Variants in HS6ST3 observed in about 807,000 individuals in gnomAD.
HS6ST3 encodes the protein heparan-sulfate 6-O-sulfotransferase 3.
Under a neutral mutation model 36.7 loss-of-function variants are expected in HS6ST3, and 12 were observed. The ratio of observed to expected loss-of-function variants is 0.33; its 90% CI spans 0.21 to 0.53. The LOEUF is 0.53. HS6ST3 is among the 20% of genes least tolerant of loss of function. HS6ST3 has a pLI of 0.95. For synonymous variants in HS6ST3, 240 were observed against 257.5 expected (o/e 0.93, Z 0.65); for missense variants, 584 against 640.9 (o/e 0.91, Z 0.96).
rs539554236 is a variant in HS6ST3 at position 96,768,331 on chromosome 13, C to T, written c.708-64159C>T. On this transcript the variant is annotated intron_variant, in intron 1 of 1. Coordinates refer to ENST00000376705, the MANE Select transcript of HS6ST3 (RefSeq NM_153456.4). ...GGGAGAATGCTTAGCGTCATTCCCT[C>T]AGCTAGTTGACCGTGCAGAAAAGTA... Among the ~76,000 whole-genome samples the T allele has an allele frequency of 2.0e-5, 3 of 152,292 alleles. No individual in the cohort carries two copies. The South Asian group carries it at 6.2e-4, about 32-fold the overall frequency.
At chr13:96,681,349 C>T (rs1382589310) in intron 1 of HS6ST3, among the ~76,000 whole-genome samples, 1 of 151,936 alleles carries the variant, frequency 6.6e-6, no homozygotes, top group Non-Finnish European at 1.5e-5. Context: ...TTGTCAATAC[C>T]TTCTCTCCAT....
intron 1 of HS6ST3, among the ~76,000 whole-genome samples, chr13:96,627,185 G>A (rs1248087267): frequency 6.6e-6 from 1 of 152,104 alleles, no homozygotes; most frequent in African/African-American, 2.4e-5. Flanking sequence ...AAAAGTAAAG[G>A]TGTTTCTTGC....
intron 1 of HS6ST3, among the ~76,000 whole-genome samples, chr13:96,780,897 A>ACAG (rs983351700): frequency 5.3e-5 from 8 of 151,806 alleles, no homozygotes; most frequent in African/African-American, 1.5e-4. Flanking sequence ...GCCCAATCAA[A>ACAG]CAGCAGCAGC....
At chr13:96,134,539 CTTTACT>C (rs2053991902) in intron 1 of HS6ST3, among the ~76,000 whole-genome samples, 1 of 151,908 alleles carries the variant, frequency 6.6e-6, no homozygotes, top group Admixed American at 6.6e-5. Context: ...ATTGTATAGA[CTTTACT>C]TTTACTAGCT....
At chr13:96,600,756 T>A (rs2056418462) in intron 1 of HS6ST3, among the ~76,000 whole-genome samples, 1 of 152,150 alleles carries the variant, frequency 6.6e-6, no homozygotes, top group Non-Finnish European at 1.5e-5. Flanking sequence ...TACTGTTTTA[T>A]AAGCCCTGTG....
intron 1 of HS6ST3, among the ~76,000 whole-genome samples, chr13:96,546,229 T>C (rs965775364): frequency 6.6e-6 from 1 of 152,076 alleles, no homozygotes; most frequent in Admixed American, 6.6e-5. Context: ...CACAGACCAA[T>C]TCAAGCAGAA....
chr13:96,226,524 A>T (rs536974820), intron 1 of HS6ST3, among the ~76,000 whole-genome samples: 30 of 152,110 alleles, frequency 2.0e-4, no homozygotes, highest in South Asian at 1.5e-3. Flanking sequence ...CCATCTCAAA[A>T]AATAATAATA....
intron 1 of HS6ST3, among the ~76,000 whole-genome samples, chr13:96,824,866 T>C (rs911795944): frequency 2.0e-5 from 3 of 152,132 alleles, no homozygotes; most frequent in African/African-American, 7.2e-5. Flanking sequence ...ATTGAACAAC[T>C]GAACATCCAT....
intron 1 of HS6ST3, among the ~76,000 whole-genome samples, chr13:96,819,600 C>T (rs1477470098): frequency 6.6e-6 from 1 of 152,122 alleles, no homozygotes; most frequent in Non-Finnish European, 1.5e-5. Flanking sequence ...GGTCAGGCCA[C>T]GCAGTGTACC....
intron 1 of HS6ST3, among the ~76,000 whole-genome samples, chr13:96,333,420 G>T (rs766426012): frequency 6.6e-6 from 1 of 152,158 alleles, no homozygotes; most frequent in East Asian, 1.9e-4. Context: ...GTTAAGACTT[G>T]TGGTAAAAGT....
At chr13:96,368,165 A>C (rs935114458) in intron 1 of HS6ST3, among the ~76,000 whole-genome samples, 1 of 152,158 alleles carries the variant, frequency 6.6e-6, no homozygotes, top group Non-Finnish European at 1.5e-5. Flanking sequence ...CATTGTGTGC[A>C]TAATAGTTCA....
chr13:96,456,241 G>C (rs1184954195), intron 1 of HS6ST3, among the ~76,000 whole-genome samples: 2 of 152,162 alleles, frequency 1.3e-5, no homozygotes, highest in Non-Finnish European at 2.9e-5. Flanking sequence ...TAATACTCAA[G>C]AAAACTAGAT....
intron 1 of HS6ST3, among the ~76,000 whole-genome samples, chr13:96,624,025 A>T (rs2056503950): frequency 6.6e-6 from 1 of 152,216 alleles, no homozygotes; most frequent in African/African-American, 2.4e-5. Context: ...GGTATATGAA[A>T]TGCTACCTAA....
chr13:96,569,370 C>T (rs1418178058), intron 1 of HS6ST3, among the ~76,000 whole-genome samples: 6 of 152,120 alleles, frequency 3.9e-5, no homozygotes, highest in Non-Finnish European at 8.8e-5. Context: ...GGCCAGCCAC[C>T]TTGCCATAAG....
In HS6ST3 at chr13:96,631,275, C is replaced by T. The variant is rs540317579; in HGVS notation, c.708-201215C>T. Among the ~76,000 whole-genome samples the T allele has an allele frequency of 5.9e-5, 9 of 152,256 alleles. No homozygotes were observed. The South Asian group carries it at 1.7e-3, about 28-fold the overall frequency. On this transcript the variant is annotated intron_variant, in intron 1 of 1. Coordinates refer to ENST00000376705, the MANE Select transcript of HS6ST3 (RefSeq NM_153456.4). ...TTCTAGCATAGTTTATGCACCCTTC[C>T]TCCCCTTTGTGCCTTGATATTGTCT... is the stretch of plus-strand genomic sequence containing the variant.
At position 96,438,556 on chromosome 13, in the gene HS6ST3, G is replaced by A. The variant is rs555224018; in HGVS notation, c.707+346987G>A. The stretch of plus-strand genomic sequence containing the variant: ...GCTCATCACAGAATAGCTACTTGGG[G>A]CATTTCATTGTTGTTCACATTTCTG... On this transcript the variant is annotated intron_variant, in intron 1 of 1. Transcript: ENST00000376705. Among the ~76,000 whole-genome samples the A allele has an allele frequency of 2.0e-5, 3 of 152,230 alleles. No individual in the cohort carries two copies. In the East Asian group the frequency reaches 5.8e-4, roughly 30 times the overall value.
chr13:96,210,732 T>A (rs1359224442), intron 1 of HS6ST3, among the ~76,000 whole-genome samples: 1 of 151,870 alleles, frequency 6.6e-6, no homozygotes, highest in Non-Finnish European at 1.5e-5. Context: ...TAGGTGGGAT[T>A]ACAGACATGT....
At chr13:96,675,690 G>A (rs999789354) in intron 1 of HS6ST3, among the ~76,000 whole-genome samples, 2 of 152,172 alleles carry the variant, frequency 1.3e-5, no homozygotes, top group African/African-American at 4.8e-5. Context: ...ACATGACAAT[G>A]TTTTAAGAAA....
At chr13:96,145,792 A>C (rs915755363) in intron 1 of HS6ST3, among the ~76,000 whole-genome samples, 2 of 152,200 alleles carry the variant, frequency 1.3e-5, no homozygotes, top group African/African-American at 4.8e-5. Context: ...TTTAGGTCTA[A>C]CATATAAGTC....
Sources: gnomAD v4.1 joint callset for allele counts (sites outside exome capture counted in the v4.1 genomes callset) on GRCh38, gnomAD v4.1.1 for gene constraint, MANE v1.5 for transcripts, NCBI Gene and HGNC (gene_info 2026-07-23, HGNC 2026-07-21) for gene names.